GDF11: variants seen among roughly 807,000 people sequenced by gnomAD.
GDF11 encodes the protein growth/differentiation factor 11.
Under a neutral mutation model 34.4 loss-of-function variants are expected in GDF11, and 12 were observed. The ratio of observed to expected loss-of-function variants is 0.35; its 90% confidence interval spans 0.22 to 0.57. The LOEUF (loss-of-function observed/expected upper bound fraction) is 0.57, where lower values mean the gene tolerates loss of function less well. Ranked by LOEUF, GDF11 falls within the 20% of genes least tolerant of loss-of-function variation. The probability of loss-of-function intolerance (pLI) is 0.86; values close to 1 mark genes in which losing one functional copy is unlikely to be tolerated. For missense variants in GDF11, 346 were observed against 548.2 expected, an observed-to-expected ratio of 0.63 and a Z score of 3.68; for synonymous variants, 212 against 231.1, an observed-to-expected ratio of 0.92 and a Z score of 0.75.
rs1229113112 is a variant in GDF11 at position 55,748,213 on chromosome 12, G to A, written c.446-373G>A. 6.6e-6 allele frequency among the ~76,000 whole-genome samples: 1 copy of A among 152,238 alleles called. No homozygotes were observed. Among genetic ancestry groups the A allele is most frequent in the African/African-American group, 2.4e-5 (1 of 41,454 alleles). On this transcript the variant is annotated intron_variant, in intron 1 of 2. Transcript: ENST00000257868. This position sits in a 1 kb window ranked among gnomAD's most constrained non-coding sequence, Gnocchi z 5.6. ...AAGGTGATGGAAGGGCAGCAGGTGTGATAAGAGGTATGGCTTCTATAAAGA... is the reference window on the plus strand; with the variant it reads ...AAGGTGATGGAAGGGCAGCAGGTGTAATAAGAGGTATGGCTTCTATAAAGA...
chr12:55,744,939 G>A (rs1315550834), intron 1 of GDF11, among the ~76,000 whole-genome samples: 1 of 152,202 alleles, frequency 6.6e-6, no homozygotes, highest in African/African-American at 2.4e-5. Flanking sequence ...CATCTGGGAG[G>A]CTGAGTGCCT....
chr12:55,743,891 G>A, intron 1 of GDF11, 130 bp downstream of exon 1: 4 of 694,434 alleles, frequency 5.8e-6, no homozygotes, highest in Non-Finnish European at 9.2e-6. Context: ...TGACGAATTA[G>A]GGAGCGGGGG....
In GDF11 at chr12:55,749,455, CT is replaced by C; in HGVS notation, c.844-46del. On this transcript the variant is annotated intron_variant, in intron 2 of 2. Transcript: ENST00000257868. The surrounding 1 kb of genome is among the most constrained non-coding windows in gnomAD (Gnocchi z 5.6). ...GTGGGAAAGGAACAGGGAAGAGGAA[CT>C]GTTCAGGACCATATCACATTTCTTT... 6.5e-7 allele frequency: 1 copy of C among 1,542,278 alleles called. No individual in the cohort carries two copies. Among genetic ancestry groups the C allele is most frequent in the Non-Finnish European group, 8.8e-7 (1 of 1,140,462 alleles).
At position 55,743,742 on chromosome 12, in the gene GDF11, C is replaced by G; in HGVS notation, c.426C>G (p.Val142=). Residue 142 remains valine (V), a synonymous_variant, in exon 1 of 3, where the codon GTC becomes GTG. Coordinates refer to ENST00000257868, the MANE Select transcript of GDF11 (RefSeq NM_005811.5). ...AGTACCACGCCACCACCGAGACCGTCATTAGCATGGCCCAGGAGAGTAAGT... is the reference window on the plus strand; with the variant it reads ...AGTACCACGCCACCACCGAGACCGTGATTAGCATGGCCCAGGAGAGTAAGT... ...EDEYHATTET[V]ISMAQETDPA... is the part of the protein sequence containing the mutation. The G allele has an allele frequency of 3.1e-6, 5 of 1,588,848 alleles. No homozygotes were observed. Among genetic ancestry groups the G allele is most frequent in the Non-Finnish European group, 4.3e-6 (5 of 1,174,286 alleles).
rs1167478936 is a variant in GDF11, at chr12:55,756,033, G to A, written c.*6151G>A. 1.3e-5 allele frequency: 2 copies of A among 152,104 alleles called. No homozygotes were observed. Among genetic ancestry groups the A allele is most frequent in the Non-Finnish European group, 2.9e-5 (2 of 68,032 alleles). The allele number at this position is 152,104 out of a possible 1,614,324, so 9.4% of individuals were successfully genotyped here. The stretch of plus-strand genomic sequence containing the variant: ...TTTTCTCTTTTTAAAACCATATTCA[G>A]GAAGAAACCATTAGTGAATCTATAA... On this transcript the variant is annotated 3_prime_UTR_variant, in exon 3 of 3. Transcript: ENST00000257868.
rs1472614420 is a variant in GDF11 at position 55,753,729 on chromosome 12, C to T, written c.*3847C>T. On this transcript the variant is annotated 3_prime_UTR_variant, in exon 3 of 3. Coordinates refer to ENST00000257868, the MANE Select transcript of GDF11 (RefSeq NM_005811.5). ...AGGTTGCAGTGAGCTGAGATCGCAC[C>T]ACTGCACTCTAGCATGGTGACAGAG... The T allele has an allele frequency of 7.1e-6, 1 of 141,240 alleles. No individual in the cohort carries two copies. The highest frequency in any genetic ancestry group is 1.5e-5 in the Non-Finnish European group (1 of 66,954). 8.7% of individuals were successfully genotyped at this position (141,240 alleles called of 1,614,324 possible).
At position 55,750,006 on chromosome 12, in the gene GDF11, A is replaced by AGCC; in HGVS notation, c.*126_*128dup. Reference sequence around the variant, plus strand: ...CGAACATCACACCGTTCCCCGACCAAGCCGTGTGCAATACAACAGAGGGAG... The same window carrying AGCC: ...CGAACATCACACCGTTCCCCGACCAAGCCGCCGTGTGCAATACAACAGAGGGAG... On this transcript the variant is annotated 3_prime_UTR_variant, in exon 3 of 3. Coordinates refer to ENST00000257868, the MANE Select transcript of GDF11 (RefSeq NM_005811.5). 8.3e-6 allele frequency: 7 copies of AGCC among 847,462 alleles called. No individual in the cohort carries two copies. The Admixed American group carries it at 1.3e-4, about 15-fold the overall frequency. 52.5% of individuals were successfully genotyped at this position (847,462 alleles called of 1,614,324 possible).
chr12:55,745,854 C>A (rs982009237), intron 1 of GDF11, among the ~76,000 whole-genome samples: 1 of 151,820 alleles, frequency 6.6e-6, no homozygotes, highest in African/African-American at 2.4e-5. Flanking sequence ...GGAACCCAGC[C>A]CCCTGCCCTT....
At position 55,756,686 on chromosome 12, in the gene GDF11, G is replaced by C. The variant is rs1412960533; in HGVS notation, c.*6804G>C. On this transcript the variant is annotated 3_prime_UTR_variant, in exon 3 of 3. Transcript: ENST00000257868. ...GATCTACATGAACTTGAAGCCTCCAGTTCCACTGCTTATGTTCCCAATGAT... is the reference window on the plus strand; with the variant it reads ...GATCTACATGAACTTGAAGCCTCCACTTCCACTGCTTATGTTCCCAATGAT... 6.6e-6 allele frequency: 1 copy of C among 152,202 alleles called. No individual in the cohort carries two copies. Among genetic ancestry groups the C allele is most frequent in the East Asian group, 1.9e-4 (1 of 5,200 alleles). The allele number at this position is 152,202 out of a possible 1,614,324, so 9.4% of individuals were successfully genotyped here.
chr12:55,745,690 G>C (rs934217283), intron 1 of GDF11, among the ~76,000 whole-genome samples: 3 of 151,902 alleles, frequency 2.0e-5, no homozygotes, highest in African/African-American at 7.3e-5. Context: ...AATCGGGGGA[G>C]GTGTTTGTCA....
chr12:55,748,318 T>C lies in GDF11; in HGVS notation c.446-268T>C, dbSNP rs1471390431. ...TAAGGATGGTGGTGGATGAATAATT[T>C]TGCAGGTTATCTGGTAGACAGGAAC... On this transcript the variant is annotated intron_variant, in intron 1 of 2. Transcript: ENST00000257868. The surrounding 1 kb of genome is among the most constrained non-coding windows in gnomAD (Gnocchi z 5.6). Among the ~76,000 whole-genome samples, 1 of 152,200 alleles carries C rather than the reference T, an allele frequency of 6.6e-6. No homozygotes were observed. The highest frequency in any genetic ancestry group is 1.5e-5 in the Non-Finnish European group (1 of 68,028).
At chr12:55,743,910 T>C (rs1300708013) in intron 1 of GDF11, 149 bp downstream of exon 1, 5 of 644,554 alleles carry the variant, frequency 7.8e-6, no homozygotes, top group Admixed American at 3.2e-5. Flanking sequence ...GGCTACTTCA[T>C]AGAAGTTTTC....
At chr12:55,744,678 T>G (rs563116051) in intron 1 of GDF11, among the ~76,000 whole-genome samples, 19 of 148,104 alleles carry the variant, frequency 1.3e-4, no homozygotes, top group Admixed American at 1.2e-3. Context: ...GTCAGGTGAC[T>G]CCTTCTCCTC....
In GDF11 at chr12:55,748,783, G is replaced by A. The variant is rs1459308706; in HGVS notation, c.643G>A (p.Gly215Ser). 9 of 1,614,088 alleles carry A rather than the reference G, an allele frequency of 5.6e-6. No individual in the cohort carries two copies. In the African/African-American group the frequency reaches 6.7e-5, roughly 12 times the overall value. The change falls in exon 2 of 3, where the codon GGC (glycine) becomes AGC (serine). Residue 215 changes from glycine to serine, a missense_variant. Physicochemically the swap from Gly to Ser is moderately conservative, Grantham distance 56. Around this residue, in one of 3 missense-constraint regions of GDF11, gnomAD observed 205 missense variants for 311.3 expected, o/e 0.66. Transcript: ENST00000257868. The surrounding 1 kb of genome is among the most constrained non-coding windows in gnomAD (Gnocchi z 5.6). ...GEGTAGGGGG[G>S]RRHIRIRSLK... Reference sequence around the variant, plus strand: ...AGGGACCGCAGGGGGAGGGGGCGGAGGCCGGCGTCACATCCGTATCCGCTC... The same window carrying A: ...AGGGACCGCAGGGGGAGGGGGCGGAAGCCGGCGTCACATCCGTATCCGCTC...
chr12:55,743,384 A>G lies in GDF11; in HGVS notation c.68A>G (p.Glu23Gly). Residue 23 changes from glutamate (E) to glycine (G), a missense_variant, in exon 1 of 3, where the codon GAG becomes GGG. Physicochemically the swap from Glu to Gly is moderately conservative, Grantham distance 98. This residue lies in a region of GDF11 where 141 missense variants were observed against 213.8 expected (regional missense o/e 0.66). Transcript: ENST00000257868. ...GCCCTGGAGCTGCGGCCCCGGGGGG[A>G]GGCGGCCGAGGGCCCCGCGGCGGCG... ...LLALELRPRG[E>G]AAEGPAAAAA... 1 of 982,452 alleles carries G rather than the reference A, an allele frequency of 1.0e-6. No individual in the cohort carries two copies. Among genetic ancestry groups the G allele is most frequent in the Non-Finnish European group, 1.2e-6 (1 of 831,930 alleles). The allele number at this position is 982,452 out of a possible 1,614,324, so 60.9% of individuals were successfully genotyped here. A position where few individuals can be genotyped will look rare whatever the true frequency, so the allele number is the denominator to read the frequency against.
intron 1 of GDF11, 58 bp downstream of exon 1, chr12:55,743,819 C>A: frequency 7.3e-7 from 1 of 1,364,478 alleles, no homozygotes; most frequent in Non-Finnish European, 9.8e-7. Flanking sequence ...GCGAAGGGCG[C>A]CTTCTGCTCC....
Position 55,757,240 on chromosome 12 carries a change from AAT to A in GDF11, c.*7359_*7360del. The A allele has an allele frequency of 3.3e-6, 1 of 301,078 alleles. No individual in the cohort carries two copies. Among genetic ancestry groups the A allele is most frequent in the Non-Finnish European group, 6.2e-6 (1 of 160,884 alleles). The allele number at this position is 301,078 out of a possible 1,614,324, so 18.7% of individuals were successfully genotyped here. On this transcript the variant is annotated 3_prime_UTR_variant, in exon 3 of 3. Transcript: ENST00000257868. ...TATCTGGTCTAATCTAGCTCCAATA[AAT>A]CAAAGGAGCACCTAATAAAACACAT...
In GDF11 at chr12:55,749,395, G is replaced by A; in HGVS notation, c.844-107G>A. On this transcript the variant is annotated intron_variant, in intron 2 of 2. Transcript: ENST00000257868. This position sits in a 1 kb window ranked among gnomAD's most constrained non-coding sequence, Gnocchi z 5.6. ...GGGGTGGGAGCAATGGAAAAGCTGA[G>A]AAGTCAGCAGTCTCTATTCTGATGC... 3.3e-6 allele frequency: 4 copies of A among 1,217,138 alleles called. 1 individual carries two copies. The highest frequency in any genetic ancestry group is 3.0e-5 in the South Asian group (2 of 66,056). 75.4% of individuals were successfully genotyped at this position (1,217,138 alleles called of 1,614,324 possible).
chr12:55,743,890 AG>A, intron 1 of GDF11, 129 bp downstream of exon 1: 1 of 708,452 alleles, frequency 1.4e-6, no homozygotes, highest in East Asian at 2.9e-5. Flanking sequence ...TTGACGAATT[AG>A]GGAGCGGGGG....
Sources: gnomAD v4.1 joint callset for allele counts (sites outside exome capture counted in the v4.1 genomes callset) on GRCh38, gnomAD v4.1.1 for gene constraint, gnomAD v4.1.1 regional missense constraint, Gnocchi (gnomAD v3.1) non-coding constraint, MANE v1.5 for transcripts, NCBI Gene and HGNC (gene_info 2026-07-23, HGNC 2026-07-21) for gene names.